The following IL19 variants were observed in gnomAD, a reference collection of about 807,000 sequenced individuals.
The protein encoded by IL19 is interleukin-19.
In IL19, 15 loss-of-function variants were observed where a neutral mutation model predicts 19.5. The ratio of observed to expected loss-of-function variants is 0.77; its 90% CI spans 0.52 to 1.19. IL19 has a LOEUF of 1.19. IL19 is among the 50% of genes most tolerant of loss of function. The probability of loss-of-function intolerance (pLI) is 0.00; values close to 1 mark genes in which losing one functional copy is unlikely to be tolerated. For synonymous variants in IL19, 78 were observed against 78.3 expected, an observed-to-expected ratio of 1.00 and a Z score of 0.02; for missense variants, 199 against 213.1, an observed-to-expected ratio of 0.93 and a Z score of 0.41.
intron 2 of IL19, among the ~76,000 whole-genome samples, chr1:206,810,469 C>T (rs1227580826): frequency 5.3e-5 from 8 of 152,156 alleles, no homozygotes; most frequent in African/African-American, 1.4e-4. Flanking sequence ...ACATCCATCC[C>T]CCAGAATGCC....
At chr1:206,834,123 AGTTTATT>A in intron 2 of IL19, 1 of 985,538 alleles carries the variant, frequency 1.0e-6, no homozygotes, top group Non-Finnish European at 1.2e-6. Context: ...GGAGATGGGG[AGTTTATT>A]TTTCCTAGAA....
chr1:206,802,927 G>A (rs996171015), intron 2 of IL19, among the ~76,000 whole-genome samples: 18 of 152,210 alleles, frequency 1.2e-4, no homozygotes, highest in Non-Finnish European at 2.2e-4. Flanking sequence ...GAAATAAGGG[G>A]CCTGGCCAAT....
intron 1 of IL19, among the ~76,000 whole-genome samples, chr1:206,779,843 G>GCT (rs200603022): frequency 1.6e-4 from 24 of 147,444 alleles, no homozygotes; most frequent in African/African-American, 3.3e-4. Context: ...TGATCCGCAT[G>GCT]CTCTCTCTCT....
chr1:206,790,935 G>A (rs1307373849), intron 1 of IL19, among the ~76,000 whole-genome samples: 1 of 152,192 alleles, frequency 6.6e-6, no homozygotes, highest in Non-Finnish European at 1.5e-5. Context: ...AGGATGACAT[G>A]ATAGATGACC....
chr1:206,812,576 A>C (rs903717751), intron 2 of IL19, among the ~76,000 whole-genome samples: 18 of 152,162 alleles, frequency 1.2e-4, no homozygotes, highest in Admixed American at 1.2e-3. Context: ...TAGGATTTTC[A>C]TGTCCAATAG....
rs556432203 is a variant in IL19, at chr1:206,777,945, A to G, written c.-149+6867A>G. Among the ~76,000 whole-genome samples the G allele has an allele frequency of 6.5e-4, 99 of 152,264 alleles. 1 individual carries two copies. Among genetic ancestry groups the G allele is most frequent in the Admixed American group, 2.6e-3 (40 of 15,298 alleles). ...GACCCCAATGCCTATCACACACCCA[A>G]AGTGTGGCCAGTTTGGGGTGCAAGG... On this transcript the variant is annotated intron_variant, in intron 1 of 6. Coordinates refer to ENST00000659997, the MANE Select transcript of IL19 (RefSeq NM_153758.5).
At chr1:206,838,036 A>AT (rs1676859883) in intron 4 of IL19, among the ~76,000 whole-genome samples, 1 of 152,238 alleles carries the variant, frequency 6.6e-6, no homozygotes, top group Non-Finnish European at 1.5e-5. Flanking sequence ...AATAAAAGAA[A>AT]ATAATAGCAG....
At chr1:206,789,196 A>G (rs978337720) in intron 1 of IL19, among the ~76,000 whole-genome samples, 4 of 152,266 alleles carry the variant, frequency 2.6e-5, no homozygotes, top group African/African-American at 9.6e-5. Flanking sequence ...CTCTGGGCTT[A>G]TAGTACAGTA....
Position 206,794,717 on chromosome 1 carries a change from A to G in IL19, c.-148-4144A>G, listed in dbSNP as rs575356123. Among the ~76,000 whole-genome samples the G allele has an allele frequency of 4.6e-5, 7 of 152,238 alleles. No individual in the cohort carries two copies. In the South Asian group the frequency reaches 1.5e-3, roughly 32 times the overall value. On this transcript the variant is annotated intron_variant, in intron 1 of 6. Transcript: ENST00000659997. ...GGTGGGTAGGGGTGGGTGTGTGGCA[A>G]TGGAAAGTTACCCAAAGTAATGGGG...
chr1:206,833,852 A>G, intron 2 of IL19: 2 of 985,540 alleles, frequency 2.0e-6, no homozygotes, highest in South Asian at 4.7e-5. Context: ...CAACAAAATG[A>G]TGCAGGTAAA....
intron 2 of IL19, among the ~76,000 whole-genome samples, chr1:206,815,168 T>C (rs1263864115): frequency 1.3e-5 from 2 of 152,260 alleles, no homozygotes; most frequent in South Asian, 2.1e-4. Flanking sequence ...TGTGAGTCTA[T>C]CTCCAGGATG....
At position 206,839,953 on chromosome 1, in the gene IL19, G is replaced by A; in HGVS notation, c.314G>A (p.Ser105Asn). ...AACCCCAAAATCTTGAGAAAAATCA[G>A]CAGCATTGCCAACTCTTTCCTCTAC... ...EPNPKILRKI[S>N]SIANSFLYMQ... is the part of the protein sequence containing the mutation. Residue 105 changes from serine to asparagine, a missense_variant, in exon 5 of 7, where the codon AGC becomes AAC. Physicochemically the swap from Ser to Asn is conservative, Grantham distance 46. Transcript: ENST00000659997. 1 of 1,614,178 alleles carries A rather than the reference G, an allele frequency of 6.2e-7. No homozygotes were observed. Among genetic ancestry groups the A allele is most frequent in the Non-Finnish European group, 8.5e-7 (1 of 1,180,014 alleles).
intron 1 of IL19, among the ~76,000 whole-genome samples, chr1:206,780,924 A>G (rs963139396): frequency 6.6e-6 from 1 of 152,152 alleles, no homozygotes; most frequent in African/African-American, 2.4e-5. Flanking sequence ...TTATGAATCT[A>G]TTTTGTACTC....
intron 5 of IL19, 118 bp downstream of exon 5, chr1:206,840,120 C>T (rs775093428): frequency 2.3e-5 from 26 of 1,131,556 alleles, no homozygotes; most frequent in South Asian, 8.7e-5. Context: ...AAATTCTCTG[C>T]GCACGTCCAC....
chr1:206,814,063 GT>G (rs1187114575), intron 2 of IL19, among the ~76,000 whole-genome samples: 1 of 152,120 alleles, frequency 6.6e-6, no homozygotes, highest in Admixed American at 6.5e-5. Flanking sequence ...TGCTGGTTCT[GT>G]TTTTCTGAAG....
Position 206,832,142 on chromosome 1 carries a change from A to T in IL19, c.-2-4519A>T, listed in dbSNP as rs557091518. 2.0e-5 allele frequency among the ~76,000 whole-genome samples: 3 copies of T among 152,378 alleles called. No individual in the cohort carries two copies. In the East Asian group the frequency reaches 5.8e-4, roughly 29 times the overall value. ...GGAGTAGGGGAGATTCCCGAGGTCA[A>T]GAGTAGCTCTTTGCACCCTCTCCAA... On this transcript the variant is annotated intron_variant, in intron 2 of 6. Coordinates refer to ENST00000659997, the MANE Select transcript of IL19 (RefSeq NM_153758.5).
intron 1 of IL19, among the ~76,000 whole-genome samples, chr1:206,779,545 T>C (rs1675082693): frequency 6.6e-6 from 1 of 152,172 alleles, no homozygotes; most frequent in East Asian, 1.9e-4. Context: ...CCAAAATAAA[T>C]GCCAAATTGT....
At chr1:206,771,940 G>A (rs1265305811) in intron 1 of IL19, among the ~76,000 whole-genome samples, 1 of 152,120 alleles carries the variant, frequency 6.6e-6, no homozygotes, top group African/African-American at 2.4e-5. Flanking sequence ...GCAAGGCATG[G>A]GGAGCATCTT....
At chr1:206,805,378 G>T (rs1260702786) in intron 2 of IL19, among the ~76,000 whole-genome samples, 2 of 152,168 alleles carry the variant, frequency 1.3e-5, no homozygotes, top group Non-Finnish European at 2.9e-5. Flanking sequence ...AAATCATTGA[G>T]CTGAAAAATG....
Sources: gnomAD v4.1 joint callset for allele counts (sites outside exome capture counted in the v4.1 genomes callset) on GRCh38, gnomAD v4.1.1 for gene constraint, MANE v1.5 for transcripts, NCBI Gene and HGNC (gene_info 2026-07-23, HGNC 2026-07-21) for gene names.